The following UTRN variants were observed in gnomAD, a reference collection of about 807,000 sequenced individuals.
The protein encoded by UTRN is utrophin, also known as dystrophin-related protein 1.
UTRN carries 283 observed loss-of-function variants against 463.9 expected under a neutral mutation model. The ratio of observed to expected loss-of-function variants is 0.61; its 90% CI spans 0.55 to 0.67. The LOEUF is 0.67. UTRN is among the 30% of genes least tolerant of loss of function. The pLI is 0.00. For synonymous variants in UTRN, 1,442 were observed against 1,431.5 expected (o/e 1.01, Z -0.17); for missense variants, 3,922 against 4,084.3 (o/e 0.96, Z 1.08).
chr6:144,536,111 G>T (rs1797510697), intron 43 of UTRN, among the ~76,000 whole-genome samples: 1 of 152,086 alleles, frequency 6.6e-6, no homozygotes, highest in Admixed American at 6.6e-5. Context: ...TGTTTCTTCT[G>T]TTAGAACATG....
intron 17 of UTRN, among the ~76,000 whole-genome samples, chr6:144,451,164 T>C (rs570137091): frequency 1.3e-5 from 2 of 152,338 alleles, no homozygotes; most frequent in South Asian, 2.1e-4. Flanking sequence ...AATTGTTTAT[T>C]AACCCTATAA....
intron 74 of UTRN, among the ~76,000 whole-genome samples, chr6:144,848,228 G>A (rs916269151): frequency 2.0e-5 from 3 of 152,102 alleles, no homozygotes; most frequent in African/African-American, 7.2e-5. Flanking sequence ...AGATGGCCTG[G>A]GAAATAGAGT....
At chr6:144,662,487 G>A (rs921081834) in intron 51 of UTRN, among the ~76,000 whole-genome samples, 3 of 152,194 alleles carry the variant, frequency 2.0e-5, no homozygotes. Context: ...TCTCAGTCCT[G>A]TCTCTTCCTC....
chr6:144,297,346 T>G (rs1307848762), intron 2 of UTRN, among the ~76,000 whole-genome samples: 1 of 152,204 alleles, frequency 6.6e-6, no homozygotes, highest in Non-Finnish European at 1.5e-5. Flanking sequence ...ATCTGCTATG[T>G]TTGGAAAGTA....
intron 52 of UTRN, among the ~76,000 whole-genome samples, chr6:144,687,443 A>C (rs924754024): frequency 6.6e-6 from 1 of 152,202 alleles, no homozygotes; most frequent in African/African-American, 2.4e-5. Flanking sequence ...AAGTAAAAAC[A>C]ATCAAAAAAA....
Position 144,758,307 on chromosome 6 carries a change from T to TA in UTRN, c.8495+332dup, listed in dbSNP as rs57600102. 7.0e-3 allele frequency: 1,101 copies of TA among 157,744 alleles called. 1 individual carries two copies. Among genetic ancestry groups the TA allele is most frequent in the East Asian group, 0.017 (97 of 5,770 alleles). The allele number at this position is 157,744 out of a possible 1,614,324, so 9.8% of individuals were successfully genotyped here. ...AAAGCAAGATCCAGTCTCTAAAAAG[T>TA]AAAAAAAAAAAAAATTGGAGAAAAA... On this transcript the variant is annotated intron_variant, in intron 58 of 74. Coordinates refer to ENST00000367545, the MANE Select transcript of UTRN (RefSeq NM_007124.3).
intron 53 of UTRN, among the ~76,000 whole-genome samples, chr6:144,727,690 T>C (rs1586246312): frequency 2.0e-5 from 3 of 149,852 alleles, no homozygotes; most frequent in East Asian, 4.0e-4. Flanking sequence ...ACCCAGGAGG[T>C]AGAGGTGAAG....
intron 11 of UTRN, among the ~76,000 whole-genome samples, chr6:144,438,195 G>A (rs964078005): frequency 1.3e-5 from 2 of 152,182 alleles, no homozygotes; most frequent in Admixed American, 6.5e-5. Context: ...GAACTCAGGA[G>A]ACAGAGATTG....
intron 54 of UTRN, 82 bp from the exon 55 acceptor site, chr6:144,748,164 A>T: frequency 6.8e-7 from 1 of 1,473,870 alleles, no homozygotes; most frequent in Non-Finnish European, 9.0e-7. Context: ...ATTTCTCAGT[A>T]ACGATGGTAA....
At chr6:144,800,023 A>G (rs1368597628) in intron 64 of UTRN, among the ~76,000 whole-genome samples, 1 of 152,236 alleles carries the variant, frequency 6.6e-6, no homozygotes, top group Non-Finnish European at 1.5e-5. Flanking sequence ...ATGTGAAGCC[A>G]TGGGAAAGAT....
At chr6:144,594,718 TTA>T (rs1447786059) in intron 51 of UTRN, among the ~76,000 whole-genome samples, 2 of 152,152 alleles carry the variant, frequency 1.3e-5, no homozygotes, top group Admixed American at 1.3e-4. Context: ...TAATCTAATT[TTA>T]GAGCACTTTT....
chr6:144,306,712 TC>T (rs1805770346), intron 2 of UTRN, among the ~76,000 whole-genome samples: 1 of 151,354 alleles, frequency 6.6e-6, no homozygotes, highest in Non-Finnish European at 1.5e-5. Context: ...GCAGCTGGAG[TC>T]TTGAGTACTT....
intron 58 of UTRN, among the ~76,000 whole-genome samples, chr6:144,759,311 A>G (rs923710926): frequency 6.6e-6 from 1 of 152,114 alleles, no homozygotes; most frequent in Admixed American, 6.6e-5. Context: ...AGAAGATGTG[A>G]TTATCTAACT....
At chr6:144,574,385 C>T (rs950686588) in intron 50 of UTRN, among the ~76,000 whole-genome samples, 28 of 152,128 alleles carry the variant, frequency 1.8e-4, no homozygotes, top group African/African-American at 6.5e-4. Context: ...AGATTCCATG[C>T]ATGTTGTTGC....
intron 34 of UTRN, among the ~76,000 whole-genome samples, chr6:144,500,855 A>G (rs989800898): frequency 1.3e-5 from 2 of 152,236 alleles, no homozygotes; most frequent in Non-Finnish European, 2.9e-5. Context: ...TTAACAAGGC[A>G]TTCTGTTTTC....
At chr6:144,814,950 T>G (rs1392248175) in intron 65 of UTRN, among the ~76,000 whole-genome samples, 45 of 152,196 alleles carry the variant, frequency 3.0e-4, no homozygotes, top group Non-Finnish European at 2.9e-4. Context: ...AATTTTACCT[T>G]CAAATGCATA....
Position 144,458,672 on chromosome 6 carries a change from A to G in UTRN, c.2285-98A>G, listed in dbSNP as rs974158678. The G allele has an allele frequency of 7.2e-6, 10 of 1,389,664 alleles. No individual in the cohort carries two copies. In the African/African-American group the frequency reaches 1.5e-4, roughly 20 times the overall value. 86.1% of individuals were successfully genotyped at this position (1,389,664 alleles called of 1,614,324 possible). ...CTTAAGAAAGTGATCATTATGTGTG[A>G]CATTGCCTCACTATTCTGAGTGTTA... On this transcript the variant is annotated intron_variant, in intron 19 of 74. Coordinates refer to ENST00000367545, the MANE Select transcript of UTRN (RefSeq NM_007124.3).
chr6:144,397,584 C>T (rs901512048), intron 2 of UTRN, among the ~76,000 whole-genome samples: 2 of 151,790 alleles, frequency 1.3e-5, no homozygotes, highest in African/African-American at 2.4e-5. Context: ...TTATAGCCCT[C>T]TGTGTTTTCT....
At chr6:144,334,594 T>G (rs1776585047) in intron 2 of UTRN, among the ~76,000 whole-genome samples, 1 of 152,192 alleles carries the variant, frequency 6.6e-6, no homozygotes, top group Non-Finnish European at 1.5e-5. Flanking sequence ...ACCTTACTGC[T>G]ATTGAGGAAC....
Sources: allele counts gnomAD v4.1 joint callset (sites outside exome capture counted in the v4.1 genomes callset), GRCh38; gene constraint gnomAD v4.1.1; transcripts MANE v1.5; gene names NCBI Gene and HGNC (gene_info 2026-07-23, HGNC 2026-07-21).